MAGI2: variants seen among roughly 807,000 people sequenced by gnomAD.
The protein encoded by MAGI2 is membrane associated guanylate kinase, WW and PDZ domain containing 2.
In MAGI2, 35 loss-of-function variants were observed where a neutral mutation model predicts 133.3. That is an observed-to-expected ratio of 0.26 (90% CI 0.20 to 0.35). The LOEUF (loss-of-function observed/expected upper bound fraction) is 0.35. Among genes scored for constraint, MAGI2 ranks in the 10% least tolerant of loss-of-function variants. The probability of loss-of-function intolerance (pLI) is 1.00; values close to 1 mark genes in which losing one functional copy is unlikely to be tolerated. For missense variants in MAGI2, 1,636 were observed against 1,863.4 expected (o/e 0.88, Z 2.25); for synonymous variants, 729 against 710.6 (o/e 1.03, Z -0.41).
intron 2 of MAGI2, among the ~76,000 whole-genome samples, chr7:78,655,597 G>T (rs768803551): frequency 6.6e-6 from 1 of 151,968 alleles, no homozygotes; most frequent in Non-Finnish European, 1.5e-5. Flanking sequence ...CAGTAAGTTT[G>T]CCCCTTTCCA....
intron 2 of MAGI2, among the ~76,000 whole-genome samples, chr7:78,685,507 G>A (rs375899987): frequency 6.7e-6 from 1 of 149,324 alleles, no homozygotes; most frequent in East Asian, 2.0e-4. Flanking sequence ...AAATCCTCTA[G>A]AGATCATTTT....
chr7:79,366,803 T>C (rs925445581), intron 1 of MAGI2, among the ~76,000 whole-genome samples: 3 of 152,198 alleles, frequency 2.0e-5, no homozygotes, highest in Non-Finnish European at 2.9e-5. Context: ...GTCCTATAAC[T>C]ATTGAAACAG....
intron 1 of MAGI2, among the ~76,000 whole-genome samples, chr7:79,011,721 T>C (rs1203927373): frequency 6.6e-6 from 1 of 152,154 alleles, no homozygotes; most frequent in African/African-American, 2.4e-5. Context: ...CAAACTACTC[T>C]AATGTTCTAA....
intron 2 of MAGI2, among the ~76,000 whole-genome samples, chr7:78,763,372 C>T (rs145308834): frequency 1.3e-5 from 2 of 152,274 alleles, no homozygotes; most frequent in East Asian, 3.9e-4. Context: ...TTTTCATATA[C>T]TACTAGCCAA....
chr7:78,290,507 A>T (rs1159341182), intron 9 of MAGI2, among the ~76,000 whole-genome samples: 1 of 152,200 alleles, frequency 6.6e-6, no homozygotes, highest in Admixed American at 6.5e-5. Flanking sequence ...GGGAGACTTT[A>T]ACACCCCACT....
At chr7:79,035,289 G>A (rs1299404660) in intron 1 of MAGI2, among the ~76,000 whole-genome samples, 1 of 151,926 alleles carries the variant, frequency 6.6e-6, no homozygotes, top group African/African-American at 2.4e-5. Context: ...TTCTATTGTT[G>A]CTCTACCAGC....
At chr7:79,267,295 C>T (rs1243356469) in intron 1 of MAGI2, among the ~76,000 whole-genome samples, 1 of 152,122 alleles carries the variant, frequency 6.6e-6, no homozygotes, top group East Asian at 1.9e-4. Flanking sequence ...GTAAGGGGAC[C>T]CCAGTTTGGT....
intron 1 of MAGI2, among the ~76,000 whole-genome samples, chr7:79,127,405 C>G (rs1047243626): frequency 6.6e-6 from 1 of 152,068 alleles, no homozygotes; most frequent in African/African-American, 2.4e-5. Flanking sequence ...AACTAGTTTA[C>G]AGTCCCACCA....
intron 9 of MAGI2, among the ~76,000 whole-genome samples, chr7:78,259,066 T>G (rs1793275781): frequency 1.3e-5 from 2 of 152,190 alleles, no homozygotes; most frequent in African/African-American, 4.8e-5. Context: ...TTTTTACCAA[T>G]CTAATGGATG....
intron 3 of MAGI2, among the ~76,000 whole-genome samples, chr7:78,559,926 A>G (rs745390850): frequency 5.3e-5 from 8 of 152,170 alleles, no homozygotes; most frequent in Admixed American, 2.6e-4. Context: ...TACAAGGAAG[A>G]AAATGAGAAA....
At chr7:79,056,066 A>G (rs1485103240) in intron 1 of MAGI2, among the ~76,000 whole-genome samples, 2 of 152,168 alleles carry the variant, frequency 1.3e-5, no homozygotes, top group African/African-American at 2.4e-5. Context: ...AAAGAATACA[A>G]CCTATCCAAA....
At chr7:78,208,175 T>C (rs535882822) in intron 10 of MAGI2, among the ~76,000 whole-genome samples, 2 of 144,688 alleles carry the variant, frequency 1.4e-5, no homozygotes, top group Non-Finnish European at 3.0e-5. Context: ...AGCTGAGGCT[T>C]TCTCTGCAAT....
rs114735232 is a variant in MAGI2, at chr7:78,631,435, G to A, written c.419-4196C>T. On this transcript the variant is annotated intron_variant, in intron 2 of 21. Transcript: ENST00000354212. ...GCCTGCCTCCTTCTTTCAGTTCATC[G>A]CTGCTCTTCCTGATGAGCCCTGGTG... Among the ~76,000 whole-genome samples the A allele has an allele frequency of 4.0e-3, 614 of 152,198 alleles. 3 individuals carry two copies. The highest frequency in any genetic ancestry group is 0.014 in the African/African-American group (576 of 41,510).
At chr7:78,112,908 C>A (rs1331656062) in intron 20 of MAGI2, among the ~76,000 whole-genome samples, 1 of 152,150 alleles carries the variant, frequency 6.6e-6, no homozygotes, top group Non-Finnish European at 1.5e-5. Flanking sequence ...GTGGATGAGA[C>A]CCAACTGGAA....
intron 2 of MAGI2, among the ~76,000 whole-genome samples, chr7:78,965,981 C>T (rs373718505): frequency 6.6e-6 from 1 of 152,052 alleles, no homozygotes; most frequent in African/African-American, 2.4e-5. Context: ...CTAAAGTATT[C>T]AGGATATAAG....
chr7:78,494,202 C>T (rs1410534844), intron 5 of MAGI2, among the ~76,000 whole-genome samples: 1 of 152,092 alleles, frequency 6.6e-6, no homozygotes, highest in Admixed American at 6.6e-5. Flanking sequence ...AAGCAATCTG[C>T]CTGCCTTGGC....
intron 2 of MAGI2, among the ~76,000 whole-genome samples, chr7:78,904,633 C>G (rs759486946): frequency 4.0e-5 from 6 of 151,408 alleles, no homozygotes; most frequent in Non-Finnish European, 5.9e-5. Context: ...GAGGACTACA[C>G]CTGGGACTAC....
At chr7:79,120,369 T>G (rs1374882605) in intron 1 of MAGI2, among the ~76,000 whole-genome samples, 1 of 152,056 alleles carries the variant, frequency 6.6e-6, no homozygotes, top group Non-Finnish European at 1.5e-5. Context: ...ATGGGAATGA[T>G]ATGCAAGATG....
intron 9 of MAGI2, among the ~76,000 whole-genome samples, chr7:78,320,618 T>C (rs987360957): frequency 1.3e-5 from 2 of 152,160 alleles, no homozygotes; most frequent in Admixed American, 6.5e-5. Flanking sequence ...TGATGGAACA[T>C]ATATCAAAAT....
Sources: allele counts gnomAD v4.1 joint callset (sites outside exome capture counted in the v4.1 genomes callset), GRCh38; gene constraint gnomAD v4.1.1; transcripts MANE v1.5; gene names NCBI Gene and HGNC (gene_info 2026-07-23, HGNC 2026-07-21).